B3GALNT2: variants seen among roughly 807,000 people sequenced by gnomAD.
The protein encoded by B3GALNT2 is beta-1,3-N-acetylgalactosaminyltransferase 2, also known as UDP-GalNAc:beta-1,3-N-acetylgalactosaminyltransferase 2.
Under a neutral mutation model 61.1 loss-of-function variants are expected in B3GALNT2, and 53 were observed. The ratio of observed to expected loss-of-function variants is 0.87; its 90% CI spans 0.70 to 1.09. The LOEUF (loss-of-function observed/expected upper bound fraction) is 1.09. Among genes scored for constraint, B3GALNT2 ranks in the 50% least tolerant of loss-of-function variants. The probability of loss-of-function intolerance (pLI) is 0.00; values close to 1 mark genes in which losing one functional copy is unlikely to be tolerated. For synonymous variants in B3GALNT2, 223 were observed against 237.4 expected, an observed-to-expected ratio of 0.94 and a Z score of 0.56; for missense variants, 544 against 623.0, an observed-to-expected ratio of 0.87 and a Z score of 1.35.
At chr1:235,454,411 G>A (rs1021840780) in intron 9 of B3GALNT2, 96 bp from the exon 10 acceptor site, 2 of 1,175,826 alleles carry the variant, frequency 1.7e-6, no homozygotes, top group Non-Finnish European at 2.3e-6. Flanking sequence ...AAAGGAATAA[G>A]CTTGTAGAAG....
At chr1:235,468,463 T>C (rs907605002) in intron 6 of B3GALNT2, among the ~76,000 whole-genome samples, 9 of 147,968 alleles carry the variant, frequency 6.1e-5, no homozygotes, top group Non-Finnish European at 9.0e-5. Context: ...TTTTTTTTTT[T>C]TTTTTTTTGC....
chr1:235,486,072 C>T (rs1226739230), intron 3 of B3GALNT2, among the ~76,000 whole-genome samples: 1 of 141,616 alleles, frequency 7.1e-6, no homozygotes, highest in Non-Finnish European at 1.5e-5. Flanking sequence ...GCCTGGGCAA[C>T]AGAGCAAGAC....
Position 235,477,493 on chromosome 1 carries a change from G to T in B3GALNT2, c.651+2561C>A, listed in dbSNP as rs189824669. Among the ~76,000 whole-genome samples the T allele has an allele frequency of 1.5e-3, 223 of 152,152 alleles. 1 individual carries two copies. Among genetic ancestry groups the T allele is most frequent in the Non-Finnish European group, 2.5e-3 (173 of 68,018 alleles). ...AATGGAACAGACTCCATAAAACTGCGATTAGCTTGAAGCATTAAAGTTCAT... is the reference window on the plus strand; with the variant it reads ...AATGGAACAGACTCCATAAAACTGCTATTAGCTTGAAGCATTAAAGTTCAT... On this transcript the variant is annotated intron_variant, in intron 5 of 11. Transcript: ENST00000366600.
chr1:235,458,923 A>C, intron 7 of B3GALNT2, 137 bp from the exon 8 acceptor site: 1 of 782,238 alleles, frequency 1.3e-6, no homozygotes, highest in Non-Finnish European at 1.9e-6. Context: ...TTAGGTAGAA[A>C]AATGGGAACT....
intron 5 of B3GALNT2, among the ~76,000 whole-genome samples, chr1:235,475,394 T>A (rs58442716): frequency 6.6e-6 from 1 of 152,092 alleles, no homozygotes; most frequent in East Asian, 1.9e-4. Flanking sequence ...AGCTACACAA[T>A]GAAAACCTTA....
chr1:235,479,782 C>T (rs1352696429), intron 5 of B3GALNT2: 2 of 286,462 alleles, frequency 7.0e-6, no homozygotes, highest in Non-Finnish European at 6.4e-6. Flanking sequence ...GTCATTAAAA[C>T]AATTGTGTAG....
chr1:235,451,341 C>T (rs1314444861), intron 11 of B3GALNT2: 1 of 151,752 alleles, frequency 6.6e-6, no homozygotes, highest in Admixed American at 6.6e-5. Context: ...AGTTCCAAGC[C>T]AAAAATCTGA....
Position 235,447,345 on chromosome 1 carries a change from G to GTATC in B3GALNT2, c.*2857_*2860dup, listed in dbSNP as rs1485432599. On this transcript the variant is annotated 3_prime_UTR_variant, in exon 12 of 12. Transcript: ENST00000366600. Reference sequence around the variant, plus strand: ...TTTGTAGGAACACCACACTATTGCTGTATCTCCAGCTAAAGCTTCAAGGAA... The same window carrying GTATC: ...TTTGTAGGAACACCACACTATTGCTGTATCTATCTCCAGCTAAAGCTTCAAGGAA... Among the ~76,000 whole-genome samples the GTATC allele has an allele frequency of 1.3e-5, 2 of 152,148 alleles. No homozygotes were observed. The highest frequency in any genetic ancestry group is 2.4e-5 in the African/African-American group (1 of 41,430).
rs59405398 is a variant in B3GALNT2 at position 235,448,220 on chromosome 1, CAA to C, written c.*1984_*1985del. ...CTTAAGTAAGTAAGTAAGTCAGTCT[CAA>C]AAAAAAAAAAAAAAAAAAGACAGAT... On this transcript the variant is annotated 3_prime_UTR_variant, in exon 12 of 12. Coordinates refer to ENST00000366600, the MANE Select transcript of B3GALNT2 (RefSeq NM_152490.5). 15,945 of 500,738 alleles carry C rather than the reference CAA, an allele frequency of 0.032. No homozygotes were observed. Among genetic ancestry groups the C allele is most frequent in the East Asian group, 0.044 (1,218 of 27,846 alleles). 31.0% of individuals were successfully genotyped at this position (500,738 alleles called of 1,614,324 possible).
At chr1:235,489,826 C>G (rs1272481628) in intron 2 of B3GALNT2, among the ~76,000 whole-genome samples, 1 of 152,154 alleles carries the variant, frequency 6.6e-6, no homozygotes, top group Non-Finnish European at 1.5e-5. Context: ...ACACTGAGGT[C>G]CTACAAAGAA....
At chr1:235,488,512 T>C (rs914596315) in intron 3 of B3GALNT2, among the ~76,000 whole-genome samples, 2 of 151,194 alleles carry the variant, frequency 1.3e-5, no homozygotes, top group African/African-American at 4.9e-5. Flanking sequence ...TGAAACCCCA[T>C]CTCTACTAAA....
intron 6 of B3GALNT2, among the ~76,000 whole-genome samples, chr1:235,466,582 T>C (rs1191317464): frequency 1.3e-5 from 2 of 152,144 alleles, no homozygotes; most frequent in African/African-American, 4.8e-5. Context: ...CTTGAACTCC[T>C]GGGCTCAAGT....
Position 235,448,280 on chromosome 1 carries a change from T to A in B3GALNT2, c.*1926A>T. 2.9e-6 allele frequency: 3 copies of A among 1,023,268 alleles called. No homozygotes were observed. Among genetic ancestry groups the A allele is most frequent in the Non-Finnish European group, 4.6e-6 (3 of 658,104 alleles). The allele number at this position is 1,023,268 out of a possible 1,614,324, so 63.4% of individuals were successfully genotyped here. On this transcript the variant is annotated 3_prime_UTR_variant, in exon 12 of 12. Transcript: ENST00000366600. Reference sequence around the variant, plus strand: ...TCATTGCAATGATACTGTGGTCTCATCACATGAGCTAGTTTTACAGGTAAC... The same window carrying A: ...TCATTGCAATGATACTGTGGTCTCAACACATGAGCTAGTTTTACAGGTAAC...
chr1:235,480,423 GA>G lies in B3GALNT2; in HGVS notation c.556-275del, dbSNP rs147124682. Among the ~76,000 whole-genome samples, 9 of 151,002 alleles carry G rather than the reference GA, an allele frequency of 6.0e-5. No individual in the cohort carries two copies. The East Asian group carries it at 1.8e-3, about 29-fold the overall frequency. ...CTTAAAAAAAAAACCCACCTTGAAA[GA>G]AAAAATATTCAGGGAAGTGAGCAGT... On this transcript the variant is annotated intron_variant, in intron 4 of 11. Coordinates refer to ENST00000366600, the MANE Select transcript of B3GALNT2 (RefSeq NM_152490.5).
intron 4 of B3GALNT2, among the ~76,000 whole-genome samples, chr1:235,482,987 A>G (rs551175452): frequency 5.3e-5 from 8 of 152,372 alleles, no homozygotes; most frequent in South Asian, 2.1e-4. Flanking sequence ...AGCTGCTGTT[A>G]TAACTATGGT....
chr1:235,450,405 T>G (rs376299531), intron 11 of B3GALNT2, 65 bp from the exon 12 acceptor site: 1 of 1,548,722 alleles, frequency 6.5e-7, no homozygotes, highest in African/African-American at 1.4e-5. Context: ...TCAGAAAGTA[T>G]GCACGTAGAC....
intron 4 of B3GALNT2, 22 bp from the exon 5 acceptor site, chr1:235,480,171 C>A (rs1318239809): frequency 2.5e-6 from 4 of 1,609,390 alleles, no homozygotes; most frequent in Admixed American, 3.4e-5. Context: ...GAGAAAAAGA[C>A]AAGAAAAAAT....
downstream of B3GALNT2, chr1:235,442,881 G>T (rs746647958): frequency 6.2e-7 from 1 of 1,613,994 alleles, no homozygotes; most frequent in South Asian, 1.1e-5. Flanking sequence ...TCATCAACTT[G>T]ATCAGAAAGT....
intron 7 of B3GALNT2, 73 bp from the exon 8 acceptor site, chr1:235,458,859 T>C: frequency 1.5e-6 from 2 of 1,312,136 alleles, no homozygotes; most frequent in East Asian, 5.2e-5. Flanking sequence ...TGATGTACAC[T>C]AAAGTTCTTT....
Sources: allele counts gnomAD v4.1 joint callset (sites outside exome capture counted in the v4.1 genomes callset), GRCh38; gene constraint gnomAD v4.1.1; transcripts MANE v1.5; gene names NCBI Gene and HGNC (gene_info 2026-07-23, HGNC 2026-07-21).